The following CSPP1 variants were observed in gnomAD, a reference collection of about 807,000 sequenced individuals.
CSPP1 encodes the protein centrosome and spindle pole associated protein 1, also known as centrosome and spindle pole-associated protein 1.
CSPP1 carries 126 observed loss-of-function variants against 164.4 expected under a neutral mutation model. The observed-to-expected ratio is 0.77, with a 90% confidence interval of 0.66 to 0.89. The LOEUF (loss-of-function observed/expected upper bound fraction) is 0.89. Among genes scored for constraint, CSPP1 ranks in the 40% least tolerant of loss-of-function variants. CSPP1 has a pLI of 0.00. For missense variants in CSPP1, 1,395 were observed against 1,449.8 expected (o/e 0.96, Z 0.61); for synonymous variants, 472 against 476.7 (o/e 0.99, Z 0.13).
Position 67,093,616 on chromosome 8 carries a change from T to C in CSPP1, c.458T>C (p.Phe153Ser). 6.2e-7 allele frequency: 1 copy of C among 1,611,010 alleles called. No homozygotes were observed. Among genetic ancestry groups the C allele is most frequent in the Non-Finnish European group, 8.5e-7 (1 of 1,177,442 alleles). The change falls in exon 6 of 31, where the codon TTC becomes TCC. Residue 153 changes from phenylalanine to serine, a missense_variant. Phe to Ser is a radical substitution (Grantham distance 155). Transcript: ENST00000678616. ...LRGKEESSEKFRQVEKSTEPK... is the reference protein window; with the variant it reads ...LRGKEESSEKSRQVEKSTEPK... Reference sequence around the variant, plus strand: ...GGTAAGGAAGAATCCAGTGAAAAGTTCAGGCAGGTGGAAAAGAGTACTGAG... The same window carrying C: ...GGTAAGGAAGAATCCAGTGAAAAGTCCAGGCAGGTGGAAAAGAGTACTGAG...
chr8:67,179,636 T>C (rs1832537683), intron 27 of CSPP1, among the ~76,000 whole-genome samples: 1 of 152,212 alleles, frequency 6.6e-6, no homozygotes, highest in South Asian at 2.1e-4. Context: ...GTAGAATCTG[T>C]AGCCTGGAGA....
chr8:67,159,926 T>TTCC lies in CSPP1; in HGVS notation c.2538+790_2538+791insCCT, dbSNP rs1257832985. Among the ~76,000 whole-genome samples, 46 of 41,572 alleles carry TTCC rather than the reference T, an allele frequency of 1.1e-3. 1 individual carries two copies. The highest frequency in any genetic ancestry group is 2.4e-3 in the Admixed American group (9 of 3,810). The allele number at this position is 41,572 out of a possible 152,430, so 27.3% of individuals were successfully genotyped here. Reference sequence around the variant, plus strand: ...TTTCTTTCTTTCTTTCTTTCTTTCCTTTCCTTCCTTCCTTCCTTCCTTCCT... The same window carrying TTCC: ...TTTCTTTCTTTCTTTCTTTCTTTCCTTCCTTCCTTCCTTCCTTCCTTCCTTCCT... On this transcript the variant is annotated intron_variant, in intron 21 of 30. Transcript: ENST00000678616.
At chr8:67,123,155 C>T (rs563805645) in intron 15 of CSPP1, 1 of 152,352 alleles carries the variant, frequency 6.6e-6, no homozygotes, top group African/African-American at 2.4e-5. Flanking sequence ...CCTCAGCCTC[C>T]CAAAGTACGA....
At chr8:67,147,542 G>T (rs527237702) in intron 17 of CSPP1, among the ~76,000 whole-genome samples, 1 of 151,994 alleles carries the variant, frequency 6.6e-6, no homozygotes, top group South Asian at 2.1e-4. Context: ...ATAACATCTA[G>T]CTTGTACCCC....
chr8:67,137,043 A>G (rs989504888), intron 16 of CSPP1, among the ~76,000 whole-genome samples: 4 of 152,088 alleles, frequency 2.6e-5, no homozygotes, highest in Non-Finnish European at 4.4e-5. Flanking sequence ...GTACAGTGGC[A>G]TGATCTTGGC....
rs1831052125 is a variant in CSPP1 at position 67,174,116 on chromosome 8, A to T, written c.2969-1180A>T. 3 of 152,162 alleles carry T rather than the reference A, an allele frequency of 2.0e-5. No homozygotes were observed. The South Asian group carries it at 6.2e-4, about 32-fold the overall frequency. 9.4% of individuals were successfully genotyped at this position (152,162 alleles called of 1,614,324 possible). ...AGACCAAAAAGGTTTAAGCCATAGAATTGGGCTGTTCATTTCCCTGTGTTA... is the reference window on the plus strand; with the variant it reads ...AGACCAAAAAGGTTTAAGCCATAGATTTGGGCTGTTCATTTCCCTGTGTTA... On this transcript the variant is annotated intron_variant, in intron 25 of 30. Coordinates refer to ENST00000678616, the MANE Select transcript of CSPP1 (RefSeq NM_001382391.1).
Position 67,137,442 on chromosome 8 carries a change from C to G in CSPP1, c.1828-14C>G. On this transcript the variant is annotated splice_polypyrimidine_tract_variant and intron_variant, in intron 16 of 30. Transcript: ENST00000678616. ...TTGTCAGCGTTTATTTTAAATATAT[C>G]TTATGTTGTCAAGATTCGGGAAAGA... The G allele has an allele frequency of 6.9e-7, 1 of 1,449,600 alleles. No individual in the cohort carries two copies. The highest frequency in any genetic ancestry group is 9.3e-7 in the Non-Finnish European group (1 of 1,072,790). 89.8% of individuals were successfully genotyped at this position (1,449,600 alleles called of 1,614,324 possible).
intron 21 of CSPP1, among the ~76,000 whole-genome samples, chr8:67,161,599 A>G (rs1404270610): frequency 6.6e-6 from 1 of 152,174 alleles, no homozygotes; most frequent in Non-Finnish European, 1.5e-5. Flanking sequence ...TTTAATAAAG[A>G]TGTCTAAATC....
Position 67,164,484 on chromosome 8 carries a change from A to G in CSPP1, c.2804A>G (p.Asp935Gly), listed in dbSNP as rs374765060. The change falls in exon 24 of 31, where the codon GAC (aspartate) becomes GGC (glycine). Residue 935 changes from aspartate to glycine, a missense_variant. Asp to Gly is a moderately conservative substitution (Grantham distance 94). Coordinates refer to ENST00000678616, the MANE Select transcript of CSPP1 (RefSeq NM_001382391.1). ...CTACAAGAGCGATTGCTACACATGG[A>G]CAGTGATGATGAAATTCCTATCAGG... ...RRLQERLLHM[D>G]SDDEIPIRKK... 104 of 1,576,554 alleles carry G rather than the reference A, an allele frequency of 6.6e-5. No homozygotes were observed. Among genetic ancestry groups the G allele is most frequent in the Non-Finnish European group, 8.0e-5 (92 of 1,146,950 alleles).
intron 1 of CSPP1, among the ~76,000 whole-genome samples, chr8:67,073,627 C>A (rs1378565521): frequency 1.3e-5 from 2 of 152,072 alleles, no homozygotes; most frequent in African/African-American, 4.8e-5. Context: ...ATCAGTGTTA[C>A]AAAAGTTGAT....
At chr8:67,135,727 A>C (rs1822121281) in intron 16 of CSPP1, 1 of 152,140 alleles carries the variant, frequency 6.6e-6, no homozygotes, top group Admixed American at 6.5e-5. Context: ...TGGCACTTTT[A>C]ATTTTCTTCA....
intron 7 of CSPP1, among the ~76,000 whole-genome samples, chr8:67,096,363 G>C (rs1812766546): frequency 6.6e-6 from 1 of 151,888 alleles, no homozygotes; most frequent in Non-Finnish European, 1.5e-5. Context: ...TAAGGAGGTT[G>C]AGACCAGCCT....
At chr8:67,182,283 C>G (rs948469532) in intron 28 of CSPP1, among the ~76,000 whole-genome samples, 4 of 151,862 alleles carry the variant, frequency 2.6e-5, no homozygotes, top group African/African-American at 9.7e-5. Flanking sequence ...GCTGAGATTA[C>G]AGGTGTGAGC....
At chr8:67,140,806 GT>G (rs1823342442) in intron 17 of CSPP1, among the ~76,000 whole-genome samples, 1 of 152,178 alleles carries the variant, frequency 6.6e-6, no homozygotes, top group Non-Finnish European at 1.5e-5. Context: ...GGGATCCATT[GT>G]TTCATTCCTT....
At chr8:67,103,491 A>T (rs1814598207) in intron 8 of CSPP1, among the ~76,000 whole-genome samples, 1 of 152,000 alleles carries the variant, frequency 6.6e-6, no homozygotes, top group Non-Finnish European at 1.5e-5. Context: ...ATGCAACTTG[A>T]CTGGAAATAA....
chr8:67,088,595 G>T lies in CSPP1; in HGVS notation c.303+2485G>T, dbSNP rs1325105360. ...GAGCCACCGCACCCGGCCAGTTTTT[G>T]AGATTATTAAGAATATAGTCGGCCG... On this transcript the variant is annotated intron_variant, in intron 4 of 30. Coordinates refer to ENST00000678616, the MANE Select transcript of CSPP1 (RefSeq NM_001382391.1). Among the ~76,000 whole-genome samples the T allele has an allele frequency of 3.2e-5, 4 of 124,256 alleles. No homozygotes were observed. In the East Asian group the frequency reaches 1.2e-3, roughly 37 times the overall value. The allele number at this position is 124,256 out of a possible 152,430, so 81.5% of individuals were successfully genotyped here.
intron 17 of CSPP1, among the ~76,000 whole-genome samples, chr8:67,138,586 G>A (rs938577305): frequency 2.0e-5 from 3 of 152,006 alleles, no homozygotes; most frequent in Admixed American, 6.6e-5. Flanking sequence ...TTTGTTTAGC[G>A]TTTAGTTAAG....
intron 24 of CSPP1, among the ~76,000 whole-genome samples, chr8:67,168,912 T>G (rs531855369): frequency 6.6e-6 from 1 of 152,330 alleles, no homozygotes; most frequent in South Asian, 2.1e-4. Context: ...TTTTTAGTAT[T>G]TTGCATTATA....
intron 24 of CSPP1, among the ~76,000 whole-genome samples, chr8:67,169,205 GTATTT>G (rs199581835): frequency 0.014 from 2,139 of 152,072 alleles, 50 homozygotes; most frequent in African/African-American, 0.049. Flanking sequence ...GCAGCAGTAG[GTATTT>G]TATTTTATTT....
Sources: gnomAD v4.1 joint callset for allele counts (sites outside exome capture counted in the v4.1 genomes callset) on GRCh38, gnomAD v4.1.1 for gene constraint, MANE v1.5 for transcripts, NCBI Gene and HGNC (gene_info 2026-07-23, HGNC 2026-07-21) for gene names.